The following TEDC2 variants were observed in gnomAD, a reference collection of about 807,000 sequenced individuals.
The protein encoded by TEDC2 is tubulin epsilon and delta complex 2.
A neutral mutation model predicts 48.1 loss-of-function variants in TEDC2; 49 were observed. The ratio of observed to expected loss-of-function variants is 1.02; its 90% CI spans 0.81 to 1.29. The LOEUF (loss-of-function observed/expected upper bound fraction) is 1.29, where lower values mean the gene tolerates loss of function less well. Among genes scored for constraint, TEDC2 ranks in the 50% most tolerant of loss-of-function variants. The pLI is 0.00. For missense variants in TEDC2, 631 were observed against 571.4 expected, an observed-to-expected ratio of 1.10 and a Z score of -1.06; for synonymous variants, 299 against 247.1, an observed-to-expected ratio of 1.21 and a Z score of -1.97.
chr16:2,464,476 G>T (rs776056513), intron 9 of TEDC2, 46 bp from the exon 10 acceptor site: 1 of 1,512,768 alleles, frequency 6.6e-7, no homozygotes, highest in Admixed American at 2.1e-5. Flanking sequence ...ATTGCCCCCC[G>T]CCTAGGTGCC....
Position 2,461,531 on chromosome 16 carries a change from C to T in TEDC2, c.606-216C>T, listed in dbSNP as rs190530507. ...CGTGGGATCTGCTCACAGGGCCCCG[C>T]TCACAGGGCCCCCTCTTCTCTCTAA... On this transcript the variant is annotated intron_variant, in intron 4 of 9. Transcript: ENST00000361837. 2.9e-4 allele frequency: 185 copies of T among 648,906 alleles called. No individual in the cohort carries two copies. In the East Asian group the frequency reaches 4.4e-3, roughly 15 times the overall value. The allele number at this position is 648,906 out of a possible 1,614,324, so 40.2% of individuals were successfully genotyped here.
rs752776958 is a variant in TEDC2, at chr16:2,464,531, G to T, written c.1165G>T (p.Ala389Ser). ...QQIHLEKVLM[A>S]ELLPLVSAAQ... ...CCTGCCCTGCCCCCAGGTCCTGATG[G>T]CTGAACTCCTCCCCCTGGTAAGCGC... is the stretch of plus-strand genomic sequence containing the variant. The change falls in exon 10 of 10, where the codon GCT becomes TCT. Residue 389 changes from alanine to serine, a missense_variant. By Grantham distance (99) the Ala-to-Ser change is moderately conservative. Transcript: ENST00000361837. 2 of 1,572,226 alleles carry T rather than the reference G, an allele frequency of 1.3e-6. No individual in the cohort carries two copies. Among genetic ancestry groups the T allele is most frequent in the Non-Finnish European group, 1.7e-6 (2 of 1,166,462 alleles).
rs1166102412 is a variant in TEDC2 at position 2,464,195 on chromosome 16, T to A, written c.1121T>A (p.Val374Glu). ...LQTLAALKLRVAVLDQQIHLE... is the reference protein window; with the variant it reads ...LQTLAALKLREAVLDQQIHLE... ...ACCCTGGCGGCCCTCAAGCTGCGAGTGGCTGTGCTGGACCAGCAGATCCAC... is the reference window on the plus strand; with the variant it reads ...ACCCTGGCGGCCCTCAAGCTGCGAGAGGCTGTGCTGGACCAGCAGATCCAC... Residue 374 changes from valine (V) to glutamate (E), a missense_variant, in exon 9 of 10, where the codon GTG (valine) becomes GAG (glutamate). Coordinates refer to ENST00000361837, the MANE Select transcript of TEDC2 (RefSeq NM_025108.3). The A allele has an allele frequency of 1.2e-6, 2 of 1,611,974 alleles. No homozygotes were observed. Among genetic ancestry groups the A allele is most frequent in the Non-Finnish European group, 1.7e-6 (2 of 1,179,680 alleles).
Position 2,464,512 on chromosome 16 carries a change from C to T in TEDC2, c.1156-10C>T. 3 of 1,555,768 alleles carry T rather than the reference C, an allele frequency of 1.9e-6. No homozygotes were observed. The highest frequency in any genetic ancestry group is 1.2e-5 in the South Asian group (1 of 83,184). ...CCTGAGACCTTGGCCCTGCCCTGCC[C>T]TGCCCCCAGGTCCTGATGGCTGAAC... is the stretch of plus-strand genomic sequence containing the variant. On this transcript the variant is annotated splice_polypyrimidine_tract_variant and intron_variant, in intron 9 of 9. Transcript: ENST00000361837.
intron 8 of TEDC2, among the ~76,000 whole-genome samples, chr16:2,463,456 A>G (rs879713388): frequency 6.6e-6 from 1 of 151,940 alleles, no homozygotes; most frequent in Non-Finnish European, 1.5e-5. Context: ...ACGAAAGCCC[A>G]TCTCTACTAA....
intron 5 of TEDC2, 27 bp downstream of exon 5, chr16:2,461,827 G>T: frequency 6.2e-7 from 1 of 1,613,270 alleles, no homozygotes; most frequent in Middle Eastern, 1.7e-4. Context: ...TGGCTGGACG[G>T]GGGTAGGGGA....
chr16:2,461,290 G>A (rs762945449), intron 4 of TEDC2, 66 bp downstream of exon 4: 4 of 1,426,250 alleles, frequency 2.8e-6, no homozygotes, highest in Non-Finnish European at 3.7e-6. Context: ...GGCTAGCAAG[G>A]AGCCTGGGAT....
At chr16:2,460,597 T>C in intron 2 of TEDC2, 26 bp from the exon 3 acceptor site, 1 of 1,612,012 alleles carries the variant, frequency 6.2e-7, no homozygotes, top group Non-Finnish European at 8.5e-7. Flanking sequence ...CTCCTGGCCG[T>C]GCGACGGCTG....
chr16:2,462,872 C>T (rs2065475691), intron 8 of TEDC2, 140 bp downstream of exon 8: 2 of 717,466 alleles, frequency 2.8e-6, no homozygotes, highest in South Asian at 3.7e-5. Flanking sequence ...TCCACCCCTC[C>T]CACGCCACTC....
intron 5 of TEDC2, 83 bp from the exon 6 acceptor site, chr16:2,462,066 C>G (rs2065470227): frequency 6.7e-7 from 1 of 1,482,144 alleles, no homozygotes; most frequent in Non-Finnish European, 9.3e-7. Flanking sequence ...CTGGCCCTTG[C>G]CTACCTCCCA....
rs372760473 is a variant in TEDC2, at chr16:2,460,362, C to G, written c.106C>G (p.Arg36Gly). 4.9e-4 allele frequency: 752 copies of G among 1,544,370 alleles called. No individual in the cohort carries two copies. Among genetic ancestry groups the G allele is most frequent in the Non-Finnish European group, 6.4e-4 (729 of 1,146,216 alleles). Residue 36 changes from arginine (R) to glycine (G), a missense_variant, in exon 2 of 10, where the codon CGT becomes GGT. Arg to Gly is a moderately radical substitution (Grantham distance 125, BLOSUM62 -2). Transcript: ENST00000361837. ...LQLEQSLRVCRRLLHAWEPTG... is the reference protein window; with the variant it reads ...LQLEQSLRVCGRLLHAWEPTG... ...ATTGGAGCAGAGCCTGCGCGTTTGC[C>G]GTCGGCTGCTGCATGCCTGGTACGC...
At position 2,460,505 on chromosome 16, in the gene TEDC2, C is replaced by G. The variant is rs2065459047; in HGVS notation, c.126-118C>G. 2.0e-6 allele frequency: 3 copies of G among 1,508,564 alleles called. No homozygotes were observed. The Admixed American group carries it at 6.7e-5, about 34-fold the overall frequency. 93.4% of individuals were successfully genotyped at this position (1,508,564 alleles called of 1,614,324 possible). A position where few individuals can be genotyped will look rare whatever the true frequency, so the allele number is the denominator to read the frequency against. ...CGGAGCTGTGGGTTGTCAGTGCCAC[C>G]CTCCTTACCCTGCAGGCTCTGAGCT... On this transcript the variant is annotated intron_variant, in intron 2 of 9. Coordinates refer to ENST00000361837, the MANE Select transcript of TEDC2 (RefSeq NM_025108.3).
Position 2,462,424 on chromosome 16 carries a change from C to T in TEDC2, c.760C>T (p.Pro254Ser). ...CCTGACCCATATCCAGTCAGGCGGG[C>T]CCCAGCCCAGGCTCAGTGCTGTGGA... ...LQNMQTASGG[P>S]QPRLSAVEVE... Residue 254 changes from proline to serine, a missense_variant, in exon 7 of 10, where the codon CCC becomes TCC. Pro to Ser is a moderately conservative substitution (Grantham distance 74). Coordinates refer to ENST00000361837, the MANE Select transcript of TEDC2 (RefSeq NM_025108.3). The T allele has an allele frequency of 3.1e-6, 5 of 1,611,966 alleles. No individual in the cohort carries two copies. Among genetic ancestry groups the T allele is most frequent in the Non-Finnish European group, 4.2e-6 (5 of 1,179,782 alleles).
rs542950299 is a variant in TEDC2 at position 2,460,596 on chromosome 16, G to T, written c.126-27G>T. ...TTGGGCTGGGCCCTGCCTCCTGGCCGTGCGACGGCTGCCCGTGTCTTTGCA... is the reference window on the plus strand; with the variant it reads ...TTGGGCTGGGCCCTGCCTCCTGGCCTTGCGACGGCTGCCCGTGTCTTTGCA... On this transcript the variant is annotated intron_variant, in intron 2 of 9. Coordinates refer to ENST00000361837, the MANE Select transcript of TEDC2 (RefSeq NM_025108.3). 9.3e-6 allele frequency: 15 copies of T among 1,611,916 alleles called. No homozygotes were observed. The Admixed American group carries it at 2.2e-4, about 23-fold the overall frequency.
chr16:2,462,823 G>T (rs2065475451), intron 8 of TEDC2, 91 bp downstream of exon 8: 3 of 1,249,006 alleles, frequency 2.4e-6, no homozygotes, highest in Non-Finnish European at 3.3e-6. Flanking sequence ...TCAGGGAAGG[G>T]TGAGCAGCCC....
In TEDC2 at chr16:2,460,164, C is replaced by G. The variant is rs747607391; in HGVS notation, c.20C>G (p.Ser7Trp). MLPAGC[S>W]RRLVAELQGA... Reference sequence around the variant, plus strand: ...GCCTTCATGCTGCCGGCGGGCTGCTCGCGCCGGTGAGGCCTGCGCGGCAGG... The same window carrying G: ...GCCTTCATGCTGCCGGCGGGCTGCTGGCGCCGGTGAGGCCTGCGCGGCAGG... Residue 7 changes from serine to tryptophan, a missense_variant, in exon 1 of 10, where the codon TCG becomes TGG. Coordinates refer to ENST00000361837, the MANE Select transcript of TEDC2 (RefSeq NM_025108.3). 2.7e-5 allele frequency: 36 copies of G among 1,343,332 alleles called. No homozygotes were observed. Among genetic ancestry groups the G allele is most frequent in the Non-Finnish European group, 3.2e-5 (34 of 1,055,420 alleles). 83.2% of individuals were successfully genotyped at this position (1,343,332 alleles called of 1,614,324 possible). A position where few individuals can be genotyped will look rare whatever the true frequency, so the allele number is the denominator to read the frequency against.
rs1388378215 is a variant in TEDC2, at chr16:2,464,539, C to G, written c.1173C>G (p.Leu391=). 2 of 1,579,696 alleles carry G rather than the reference C, an allele frequency of 1.3e-6. No individual in the cohort carries two copies. Among genetic ancestry groups the G allele is most frequent in the South Asian group, 1.1e-5 (1 of 87,228 alleles). Residue 391 remains leucine, a synonymous_variant, in exon 10 of 10, where the codon CTC becomes CTG. Coordinates refer to ENST00000361837, the MANE Select transcript of TEDC2 (RefSeq NM_025108.3). ...IHLEKVLMAE[L]LPLVSAAQPQ... ...GCCCCCAGGTCCTGATGGCTGAACT[C>G]CTCCCCCTGGTAAGCGCTGCACAGC...
At position 2,461,096 on chromosome 16, in the gene TEDC2, A is replaced by C. The variant is rs758397695; in HGVS notation, c.477A>C (p.Ser159=). 1 of 1,591,104 alleles carries C rather than the reference A, an allele frequency of 6.3e-7. No homozygotes were observed. The highest frequency in any genetic ancestry group is 2.2e-5 in the East Asian group (1 of 44,570). Reference sequence around the variant, plus strand: ...GCCACCCTGAGCGCCGGCTGCTGTCAGTGGGGGATGGGACCCGTGTTGGGA... The same window carrying C: ...GCCACCCTGAGCGCCGGCTGCTGTCCGTGGGGGATGGGACCCGTGTTGGGA... ...AKGHPERRLL[S]VGDGTRVGMG... is the part of the protein sequence containing the mutation. The change falls in exon 4 of 10, where the codon TCA becomes TCC. Residue 159 remains serine (S), a synonymous_variant. Transcript: ENST00000361837.
At chr16:2,460,210 C>G (rs759392771) in intron 1 of TEDC2, 40 bp downstream of exon 1, 41 of 1,425,034 alleles carry the variant, frequency 2.9e-5, no homozygotes, top group Non-Finnish European at 3.6e-5. Context: ...AGGATGCGGG[C>G]GGGCCGGTAG....
Sources: gnomAD v4.1 joint callset for allele counts (sites outside exome capture counted in the v4.1 genomes callset) on GRCh38, gnomAD v4.1.1 for gene constraint, MANE v1.5 for transcripts, NCBI Gene and HGNC (gene_info 2026-07-23, HGNC 2026-07-21) for gene names.